SLC22A9: variants seen among roughly 807,000 people sequenced by gnomAD.
The protein encoded by SLC22A9 is organic anion transporter 7.
SLC22A9 carries 64 observed loss-of-function variants against 50.1 expected under a neutral mutation model. The ratio of observed to expected loss-of-function variants is 1.28; its 90% confidence interval spans 1.04 to 1.57. The LOEUF (loss-of-function observed/expected upper bound fraction) is 1.57, where lower values mean the gene tolerates loss of function less well. Among genes scored for constraint, SLC22A9 ranks in the 40% most tolerant of loss-of-function variants. The pLI is 0.00. For missense variants in SLC22A9, 757 were observed against 676.1 expected (o/e 1.12, Z -1.33); for synonymous variants, 261 against 242.5 (o/e 1.08, Z -0.71).
At chr11:63,409,652 G>C in intron 9 of SLC22A9, 150 bp from the exon 10 acceptor site, 1 of 710,040 alleles carries the variant, frequency 1.4e-6, no homozygotes, top group South Asian at 1.9e-5. Flanking sequence ...ACTTCACAAG[G>C]TTTACTCAAT....
chr11:63,389,195 G>C (rs2014719140), intron 6 of SLC22A9, among the ~76,000 whole-genome samples: 1 of 151,310 alleles, frequency 6.6e-6, no homozygotes, highest in Non-Finnish European at 1.5e-5. Flanking sequence ...TTTAAGTTCT[G>C]GGATACATGT....
At chr11:63,409,114 G>A (rs549266051) in intron 9 of SLC22A9, among the ~76,000 whole-genome samples, 3 of 152,238 alleles carry the variant, frequency 2.0e-5, no homozygotes, top group South Asian at 4.2e-4. Context: ...GTCAAAGGAG[G>A]CTTCATAGTG....
intron 6 of SLC22A9, among the ~76,000 whole-genome samples, chr11:63,403,789 A>G (rs1256078843): frequency 6.6e-6 from 1 of 152,238 alleles, no homozygotes; most frequent in Admixed American, 6.5e-5. Context: ...TCCTATACCT[A>G]TTAGGATTAT....
chr11:63,398,743 T>A (rs2119988039), intron 6 of SLC22A9, among the ~76,000 whole-genome samples: 1 of 152,332 alleles, frequency 6.6e-6, no homozygotes. Flanking sequence ...TTTCCTACCC[T>A]CTTCAGTGTC....
rs571173134 is a variant in SLC22A9, at chr11:63,401,050, G to A, written c.1074-5447G>A. On this transcript the variant is annotated intron_variant, in intron 6 of 9. Transcript: ENST00000279178. Reference sequence around the variant, plus strand: ...ACAAACCCACAGCTAACACCATAGAGAATGGGGAAAAAAATGAAAGCTCTT... The same window carrying A: ...ACAAACCCACAGCTAACACCATAGAAAATGGGGAAAAAAATGAAAGCTCTT... Among the ~76,000 whole-genome samples, 19 of 152,092 alleles carry A rather than the reference G, an allele frequency of 1.2e-4. 1 individual carries two copies. The South Asian group carries it at 3.7e-3, about 30-fold the overall frequency.
intron 6 of SLC22A9, among the ~76,000 whole-genome samples, chr11:63,391,468 T>C (rs2014763291): frequency 6.6e-6 from 1 of 152,078 alleles, no homozygotes; most frequent in South Asian, 2.1e-4. Flanking sequence ...TCTCTCTCTT[T>C]AACTCTATTA....
At chr11:63,388,569 G>C (rs1260334784) in intron 6 of SLC22A9, among the ~76,000 whole-genome samples, 1 of 151,714 alleles carries the variant, frequency 6.6e-6, no homozygotes, top group African/African-American at 2.4e-5. Flanking sequence ...GTTGAATTCA[G>C]TTTTCTAGTA....
chr11:63,389,167 C>T (rs565846844), intron 6 of SLC22A9, among the ~76,000 whole-genome samples: 20 of 151,742 alleles, frequency 1.3e-4, no homozygotes, highest in African/African-American at 4.4e-4. Flanking sequence ...TTTATTTCTG[C>T]TCTAATTTTT....
chr11:63,387,652 C>T (rs1203386505), intron 6 of SLC22A9, among the ~76,000 whole-genome samples: 1 of 151,972 alleles, frequency 6.6e-6, no homozygotes, highest in East Asian at 1.9e-4. Context: ...TTTGGTTCCA[C>T]TTAAATGTTA....
Position 63,370,207 on chromosome 11 carries a change from G to C in SLC22A9, c.151G>C (p.Val51Leu). 1 of 1,613,996 alleles carries C rather than the reference G, an allele frequency of 6.2e-7. No homozygotes were observed. Among genetic ancestry groups the C allele is most frequent in the Non-Finnish European group, 8.5e-7 (1 of 1,179,920 alleles). The change falls in exon 1 of 10, where the codon GTC becomes CTC. Residue 51 changes from valine to leucine, a missense_variant. Physicochemically the swap from Val to Leu is conservative, Grantham distance 32. Coordinates refer to ENST00000279178, the MANE Select transcript of SLC22A9 (RefSeq NM_080866.3). ...TAFIPGHRCW[V>L]HILDNDTVSD... ...ATTCATACCTGGCCATCGCTGCTGG[G>C]TCCACATCCTGGACAATGACACTGT...
intron 6 of SLC22A9, among the ~76,000 whole-genome samples, chr11:63,399,641 T>A (rs1428903696): frequency 2.6e-5 from 4 of 152,166 alleles, no homozygotes; most frequent in African/African-American, 9.6e-5. Context: ...TAAGTTCCTC[T>A]AGATGGAAAA....
At chr11:63,394,296 TA>T (rs1226767427) in intron 6 of SLC22A9, among the ~76,000 whole-genome samples, 2 of 152,132 alleles carry the variant, frequency 1.3e-5, no homozygotes, top group African/African-American at 4.8e-5. Flanking sequence ...TCTTTTTTTT[TA>T]ATTCTATTTT....
chr11:63,396,622 G>C (rs1280498405), intron 6 of SLC22A9, among the ~76,000 whole-genome samples: 1 of 152,140 alleles, frequency 6.6e-6, no homozygotes, highest in Non-Finnish European at 1.5e-5. Context: ...TTTTGTTTCT[G>C]CAGTCATTCT....
At position 63,408,869 on chromosome 11, in the gene SLC22A9, G is replaced by T; in HGVS notation, c.1591G>T (p.Glu531Ter). The T allele has an allele frequency of 1.2e-6, 2 of 1,613,852 alleles. No homozygotes were observed. The highest frequency in any genetic ancestry group is 1.7e-6 in the Non-Finnish European group (2 of 1,179,862). ...GCCTCTGTTTGACACCATCCAGGAT[G>T]AGAAAAATGAGTGAGTAAATAGCCC... ...NKPLFDTIQD[E>*]KNERKDPREP... Residue 531 changes from glutamate (E) to a stop codon, truncating the protein, a stop_gained, in exon 9 of 10, where the codon GAG becomes TAG. Transcript: ENST00000279178. LOFTEE classifies it low-confidence loss of function (END_TRUNC).
intron 5 of SLC22A9, among the ~76,000 whole-genome samples, chr11:63,381,457 T>C (rs556797539): frequency 1.2e-4 from 19 of 152,218 alleles, no homozygotes; most frequent in East Asian, 3.9e-4. Context: ...CTGGTAAATA[T>C]AGGGTGCAGC....
chr11:63,374,496 T>C (rs1261075427), intron 4 of SLC22A9, among the ~76,000 whole-genome samples: 1 of 152,186 alleles, frequency 6.6e-6, no homozygotes, highest in Non-Finnish European at 1.5e-5. Flanking sequence ...TAAAACATTT[T>C]CCTGCTTAAT....
chr11:63,401,137 T>G (rs958595794), intron 6 of SLC22A9, among the ~76,000 whole-genome samples: 1 of 151,996 alleles, frequency 6.6e-6, no homozygotes, highest in African/African-American at 2.4e-5. Flanking sequence ...AATACAGTAG[T>G]GGACGTCCTA....
Position 63,391,178 on chromosome 11 carries a change from A to T in SLC22A9, c.1073+8901A>T, listed in dbSNP as rs75313192. The stretch of plus-strand genomic sequence containing the variant: ...CTAGTTGTATTTCATGTGGCCAGAT[A>T]AGACACTTAATATAATTTCAATTAT... On this transcript the variant is annotated intron_variant, in intron 6 of 9. Coordinates refer to ENST00000279178, the MANE Select transcript of SLC22A9 (RefSeq NM_080866.3). 3.8e-3 allele frequency among the ~76,000 whole-genome samples: 579 copies of T among 152,196 alleles called. 3 individuals are homozygous for T. The highest frequency in any genetic ancestry group is 0.013 in the African/African-American group (533 of 41,544).
In SLC22A9 at chr11:63,390,049, A is replaced by C. The variant is rs139786632; in HGVS notation, c.1073+7772A>C. Reference sequence around the variant, plus strand: ...GTTGTTTTTTCTGGTAAATTTGTTTAAGTTCCTTGTACATTCTGGATATTA... The same window carrying C: ...GTTGTTTTTTCTGGTAAATTTGTTTCAGTTCCTTGTACATTCTGGATATTA... On this transcript the variant is annotated intron_variant, in intron 6 of 9. Coordinates refer to ENST00000279178, the MANE Select transcript of SLC22A9 (RefSeq NM_080866.3). 4.0e-3 allele frequency among the ~76,000 whole-genome samples: 603 copies of C among 152,122 alleles called. 5 individuals carry two copies. The highest frequency in any genetic ancestry group is 0.013 in the African/African-American group (540 of 41,506).
Sources: gnomAD v4.1 joint callset for allele counts (sites outside exome capture counted in the v4.1 genomes callset) on GRCh38, gnomAD v4.1.1 for gene constraint, MANE v1.5 for transcripts, NCBI Gene and HGNC (gene_info 2026-07-23, HGNC 2026-07-21) for gene names.